The following BLTP3A variants were observed in gnomAD, a reference collection of about 807,000 sequenced individuals.
BLTP3A encodes the protein bridge-like lipid transfer protein family member 3A, also known as ICBP90 binding protein 1.
the BLTP3A span, among the ~76,000 whole-genome samples, chr6:34,816,640 T>C: frequency 6.6e-6 from 1 of 152,076 alleles, no homozygotes; most frequent in African/African-American, 2.4e-5. Flanking sequence ...AAATGGCTTT[T>C]TATCATATGA....
At chr6:34,818,048 C>T in the BLTP3A span, among the ~76,000 whole-genome samples, 5 of 151,800 alleles carry the variant, frequency 3.3e-5, no homozygotes, top group Admixed American at 1.3e-4. Context: ...TTAGTAGAGA[C>T]GGGGTTTCAC....
chr6:34,856,195 A>T, the BLTP3A span: 4 of 1,589,148 alleles, frequency 2.5e-6, no homozygotes, highest in Non-Finnish European at 3.4e-6. Flanking sequence ...TGGAACATTC[A>T]TCATGATCTT....
At chr6:34,871,843 C>T in the BLTP3A span, 1 of 1,614,150 alleles carries the variant, frequency 6.2e-7, no homozygotes, top group Non-Finnish European at 8.5e-7. Flanking sequence ...AAACCATCAG[C>T]TGAAGTACTT....
the BLTP3A span, chr6:34,858,504 G>A: frequency 6.2e-7 from 1 of 1,614,110 alleles, no homozygotes; most frequent in Non-Finnish European, 8.5e-7. Flanking sequence ...GCCATACCTT[G>A]AATTTTGTAG....
the BLTP3A span, among the ~76,000 whole-genome samples, chr6:34,854,872 A>G: frequency 1.6e-3 from 238 of 152,306 alleles, 1 homozygote; most frequent in African/African-American, 5.4e-3. Flanking sequence ...GACAGGCTGG[A>G]AGTTGAATAG....
At chr6:34,800,895 T>A in the BLTP3A span, among the ~76,000 whole-genome samples, 430 of 152,152 alleles carry the variant, frequency 2.8e-3, 4 homozygotes, top group African/African-American at 9.7e-3. Flanking sequence ...GCCTGGCTAA[T>A]TTTTTGTATT....
chr6:34,821,853 C>G, the BLTP3A span: 24 of 1,614,038 alleles, frequency 1.5e-5, no homozygotes, highest in Non-Finnish European at 2.0e-5. Flanking sequence ...TTCTCTTTGG[C>G]CAGTAGGCCT....
the BLTP3A span, chr6:34,836,177 G>T: frequency 6.2e-7 from 1 of 1,614,102 alleles, no homozygotes; most frequent in South Asian, 1.1e-5. Flanking sequence ...AGCCCCCAGT[G>T]CCCAGCAGTC....
chr6:34,807,594 G>A, the BLTP3A span, among the ~76,000 whole-genome samples: 1 of 152,166 alleles, frequency 6.6e-6, no homozygotes, highest in Non-Finnish European at 1.5e-5. Context: ...TCTTTCAACT[G>A]GCCCAGTATT....
the BLTP3A span, among the ~76,000 whole-genome samples, chr6:34,866,494 A>G: frequency 6.6e-6 from 1 of 152,244 alleles, no homozygotes; most frequent in Non-Finnish European, 1.5e-5. Flanking sequence ...ATTTTGAAGC[A>G]AATCCCAAAC....
chr6:34,845,458 G>A, the BLTP3A span, among the ~76,000 whole-genome samples: 1 of 151,968 alleles, frequency 6.6e-6, no homozygotes, highest in Non-Finnish European at 1.5e-5. Flanking sequence ...TTGCTCTGTT[G>A]CCCAGGCTGA....
the BLTP3A span, among the ~76,000 whole-genome samples, chr6:34,832,118 T>C: frequency 1.5e-5 from 2 of 129,682 alleles, no homozygotes; most frequent in African/African-American, 7.1e-5. Flanking sequence ...CGGCCTTTTT[T>C]CTTTCTTTTT....
At chr6:34,850,709 T>C in the BLTP3A span, among the ~76,000 whole-genome samples, 6 of 152,176 alleles carry the variant, frequency 3.9e-5, no homozygotes, top group Admixed American at 2.6e-4. Flanking sequence ...TGCTTAATTT[T>C]TTTAAGAGAT....
chr6:34,801,009 G>A, the BLTP3A span, among the ~76,000 whole-genome samples: 5 of 152,122 alleles, frequency 3.3e-5, no homozygotes, highest in East Asian at 1.9e-4. Context: ...GATTACAGGC[G>A]TGAGATTACA....
chr6:34,792,131 G>GCGGCGGCGGCGGCGA, the BLTP3A span: 1 of 881,738 alleles, frequency 1.1e-6, no homozygotes, highest in South Asian at 2.7e-5. Flanking sequence ...CGCCATGGCG[G>GCGGCGGCGGCGGCGA]CGGCGGCGGC....
the BLTP3A span, among the ~76,000 whole-genome samples, chr6:34,866,504 CAT>C: frequency 1.3e-5 from 2 of 151,998 alleles, no homozygotes; most frequent in Non-Finnish European, 2.9e-5. Context: ...AAATCCCAAA[CAT>C]ATCCTTTTGT....
At chr6:34,863,986 T>TA in the BLTP3A span, 1 of 1,565,820 alleles carries the variant, frequency 6.4e-7, no homozygotes, top group Non-Finnish European at 8.6e-7. Flanking sequence ...TGGTTTTTGT[T>TA]TTTTTTTTTA....
At chr6:34,809,787 C>G in the BLTP3A span, among the ~76,000 whole-genome samples, 2 of 152,058 alleles carry the variant, frequency 1.3e-5, no homozygotes, top group African/African-American at 4.8e-5. Flanking sequence ...AACTCCTGGC[C>G]TCATGTGATC....
At chr6:34,858,601 A>G in the BLTP3A span, 1 of 1,614,102 alleles carries the variant, frequency 6.2e-7, no homozygotes, top group Admixed American at 1.7e-5. Flanking sequence ...CTCAGAGGGG[A>G]GGCTGAAACC....
Sources: gnomAD v4.1 joint callset for allele counts (sites outside exome capture counted in the v4.1 genomes callset) on GRCh38, gnomAD v4.1.1 for gene constraint, MANE v1.5 for transcripts, NCBI Gene and HGNC (gene_info 2026-07-23, HGNC 2026-07-21) for gene names.